The following CLPB variants were observed in gnomAD, a reference collection of about 807,000 sequenced individuals.
CLPB encodes ClpB family mitochondrial disaggregase, also known as mitochondrial disaggregase.
A neutral mutation model predicts 78.4 loss-of-function variants in CLPB; 40 were observed. That is an observed-to-expected ratio of 0.51 (90% CI 0.40 to 0.66). The LOEUF (loss-of-function observed/expected upper bound fraction) is 0.66. Ranked by LOEUF, CLPB falls within the 30% of genes least tolerant of loss-of-function variation. The pLI is 0.00. For missense variants in CLPB, 780 were observed against 886.9 expected (o/e 0.88, Z 1.53); for synonymous variants, 333 against 348.0 (o/e 0.96, Z 0.48).
At chr11:72,385,061 C>T (rs1855035553) in intron 3 of CLPB, among the ~76,000 whole-genome samples, 1 of 152,348 alleles carries the variant, frequency 6.6e-6, no homozygotes. Flanking sequence ...CAGACCTATA[C>T]AGAACATTCC....
intron 3 of CLPB, among the ~76,000 whole-genome samples, chr11:72,399,228 T>A (rs1417794891): frequency 1.3e-5 from 2 of 151,938 alleles, no homozygotes; most frequent in African/African-American, 4.8e-5. Context: ...TACATAAACA[T>A]ATATATAACA....
intron 7 of CLPB, among the ~76,000 whole-genome samples, chr11:72,311,291 G>A (rs1038811922): frequency 6.6e-6 from 1 of 152,124 alleles, no homozygotes; most frequent in Non-Finnish European, 1.5e-5. Flanking sequence ...AGACCTGCAT[G>A]GGCCCACGTG....
At chr11:72,403,749 C>T (rs1354424739) in intron 2 of CLPB, among the ~76,000 whole-genome samples, 1 of 152,140 alleles carries the variant, frequency 6.6e-6, no homozygotes, top group Non-Finnish European at 1.5e-5. Flanking sequence ...ATGCCAGTGC[C>T]TAACACATTG....
At chr11:72,430,912 C>T (rs781683428) in intron 1 of CLPB, among the ~76,000 whole-genome samples, 3 of 152,174 alleles carry the variant, frequency 2.0e-5, no homozygotes, top group Admixed American at 6.5e-5. Context: ...CTACTCACCA[C>T]GTGACCATGA....
chr11:72,387,672 G>C (rs1000069155), intron 3 of CLPB, among the ~76,000 whole-genome samples: 11 of 150,520 alleles, frequency 7.3e-5, no homozygotes, highest in Admixed American at 6.0e-4. Context: ...AAAAAAAAAA[G>C]CTCCACAAAT....
intron 5 of CLPB, among the ~76,000 whole-genome samples, chr11:72,337,896 G>T (rs1950350073): frequency 6.6e-6 from 1 of 152,152 alleles, no homozygotes; most frequent in African/African-American, 2.4e-5. Context: ...CCCATTCAGG[G>T]CTTCCCTGTC....
At chr11:72,358,837 T>A in intron 5 of CLPB, 43 bp downstream of exon 5, 1 of 48,488 alleles carries the variant, frequency 2.1e-5, no homozygotes, top group Non-Finnish European at 3.7e-5. Context: ...CCCACCCCTC[T>A]TCCACTTCCC....
At position 72,353,632 on chromosome 11, in the gene CLPB, A is replaced by G. The variant is rs115564071; in HGVS notation, c.775+5248T>C. On this transcript the variant is annotated intron_variant, in intron 5 of 15. Transcript: ENST00000538039. ...GCAAAGGAGATGGAGACAAAAAAAG[A>G]CACAGGCCTGGCCTTCATCCACCTT... 6.0e-3 allele frequency among the ~76,000 whole-genome samples: 913 copies of G among 152,306 alleles called. 9 individuals are homozygous for G. The highest frequency in any genetic ancestry group is 0.021 in the African/African-American group (876 of 41,538).
chr11:72,378,299 T>A (rs772875334), intron 4 of CLPB, among the ~76,000 whole-genome samples: 15 of 152,202 alleles, frequency 9.9e-5, no homozygotes, highest in Non-Finnish European at 1.3e-4. Context: ...ATCATGCTGA[T>A]AAAGACATAC....
At chr11:72,322,189 C>G (rs1950056100) in intron 6 of CLPB, among the ~76,000 whole-genome samples, 1 of 152,164 alleles carries the variant, frequency 6.6e-6, no homozygotes, top group African/African-American at 2.4e-5. Flanking sequence ...AGCCCCTTCA[C>G]ACTTGGTAAT....
At chr11:72,372,842 T>C in intron 4 of CLPB, 1 of 1,262,046 alleles carries the variant, frequency 7.9e-7, no homozygotes. Context: ...TAACTTATAC[T>C]GAGTAAAAGA....
chr11:72,391,937 T>TA (rs1251165608), intron 3 of CLPB, among the ~76,000 whole-genome samples: 2 of 152,034 alleles, frequency 1.3e-5, no homozygotes, highest in Non-Finnish European at 2.9e-5. Context: ...GGAGTCACAA[T>TA]AAATGGGAGG....
intron 11 of CLPB, 39 bp from the exon 12 acceptor site, chr11:72,295,687 A>G (rs1359066582): frequency 6.2e-6 from 10 of 1,608,432 alleles, no homozygotes; most frequent in Non-Finnish European, 8.5e-6. Flanking sequence ...TCAGGGAGCT[A>G]TGTGCCTGGG....
chr11:72,375,741 T>C (rs1242581997), intron 4 of CLPB, among the ~76,000 whole-genome samples: 1 of 152,220 alleles, frequency 6.6e-6, no homozygotes, highest in East Asian at 1.9e-4. Flanking sequence ...GGCTAGACTA[T>C]GTATAATCAT....
chr11:72,358,256 T>C (rs559764454), intron 5 of CLPB, among the ~76,000 whole-genome samples: 37 of 152,332 alleles, frequency 2.4e-4, no homozygotes, highest in African/African-American at 8.4e-4. Flanking sequence ...AGTACTATAG[T>C]AGATGCTGGG....
intron 6 of CLPB, among the ~76,000 whole-genome samples, chr11:72,325,044 G>C (rs1324289284): frequency 6.6e-6 from 1 of 152,122 alleles, no homozygotes; most frequent in Non-Finnish European, 1.5e-5. Context: ...TAAATTCCTC[G>C]TGAGTCTCGG....
intron 5 of CLPB, among the ~76,000 whole-genome samples, chr11:72,330,764 G>T (rs1950209681): frequency 1.3e-5 from 2 of 152,168 alleles, no homozygotes; most frequent in African/African-American, 4.8e-5. Flanking sequence ...TTTGTACACA[G>T]CAGATGCTTA....
At chr11:72,310,488 A>G (rs564374336) in intron 7 of CLPB, among the ~76,000 whole-genome samples, 1 of 152,320 alleles carries the variant, frequency 6.6e-6, no homozygotes, top group East Asian at 1.9e-4. Context: ...AAGCTTGGCT[A>G]AGCGGGGAGT....
chr11:72,398,838 A>G (rs1643885636), intron 3 of CLPB, among the ~76,000 whole-genome samples: 5 of 152,172 alleles, frequency 3.3e-5, no homozygotes, highest in Non-Finnish European at 7.3e-5. Context: ...TGGCAAAAGG[A>G]TTGTCCTAGT....
Sources: gnomAD v4.1 joint callset for allele counts (sites outside exome capture counted in the v4.1 genomes callset) on GRCh38, gnomAD v4.1.1 for gene constraint, MANE v1.5 for transcripts, NCBI Gene and HGNC (gene_info 2026-07-23, HGNC 2026-07-21) for gene names.